CTSS: variants seen among roughly 807,000 people sequenced by gnomAD.
The protein encoded by CTSS is cathepsin S.
CTSS carries 15 observed loss-of-function variants against 39.9 expected under a neutral mutation model. The observed-to-expected ratio is 0.38, with a 90% CI of 0.25 to 0.58. CTSS has a LOEUF of 0.58. Ranked by LOEUF, CTSS falls within the 20% of genes least tolerant of loss-of-function variation. CTSS has a pLI of 0.70. For synonymous variants in CTSS, 126 were observed against 138.2 expected, an observed-to-expected ratio of 0.91 and a Z score of 0.62; for missense variants, 250 against 398.2, an observed-to-expected ratio of 0.63 and a Z score of 3.17.
At chr1:150,735,115 G>A (rs1248033346) in intron 7 of CTSS, among the ~76,000 whole-genome samples, 1 of 152,210 alleles carries the variant, frequency 6.6e-6, no homozygotes, top group Non-Finnish European at 1.5e-5. Context: ...AGAACAGCAG[G>A]TGGAGGAACA....
At chr1:150,735,918 G>C (rs1486235073) in intron 7 of CTSS, among the ~76,000 whole-genome samples, 1 of 151,922 alleles carries the variant, frequency 6.6e-6, no homozygotes, top group Non-Finnish European at 1.5e-5. Flanking sequence ...CACCACGCCT[G>C]GCTAATTTTT....
rs749728922 is a variant in CTSS at position 150,764,778 on chromosome 1, G to A, written c.-1-14C>T. The stretch of plus-strand genomic sequence containing the variant: ...AGCCGTTTCATTCTGTGTAAGGAAA[G>A]GTAACATAGGAAGTGTTGCTATTAG... On this transcript the variant is annotated splice_polypyrimidine_tract_variant and intron_variant, in intron 1 of 7. Transcript: ENST00000368985. 1 of 1,612,976 alleles carries A rather than the reference G, an allele frequency of 6.2e-7. No homozygotes were observed. Among genetic ancestry groups the A allele is most frequent in the South Asian group, 1.1e-5 (1 of 91,040 alleles).
rs1418005282 is a variant in CTSS at position 150,756,332 on chromosome 1, C to CT, written c.250-1183dup. On this transcript the variant is annotated intron_variant, in intron 3 of 7. Transcript: ENST00000368985. Reference sequence around the variant, plus strand: ...CTGCCTGAGGCTGTTTTACAGTTAACTTTTTAAAAGTATAAGTAGGAGTAC... The same window carrying CT: ...CTGCCTGAGGCTGTTTTACAGTTAACTTTTTTAAAAGTATAAGTAGGAGTAC... 1.3e-4 allele frequency among the ~76,000 whole-genome samples: 20 copies of CT among 152,228 alleles called. No homozygotes were observed. In the East Asian group the frequency reaches 2.1e-3, roughly 16 times the overall value.
chr1:150,757,749 C>G, intron 3 of CTSS, 109 bp downstream of exon 3: 1 of 1,125,620 alleles, frequency 8.9e-7, no homozygotes. Flanking sequence ...CAACTTTGTA[C>G]TATACATTCC....
intron 4 of CTSS, among the ~76,000 whole-genome samples, chr1:150,753,891 A>AG (rs1249528598): frequency 6.6e-6 from 1 of 151,368 alleles, no homozygotes; most frequent in African/African-American, 2.4e-5. Flanking sequence ...CAGTGAGCCC[A>AG]GATCGCACCA....
intron 7 of CTSS, among the ~76,000 whole-genome samples, chr1:150,742,021 G>A (rs984618113): frequency 6.6e-6 from 1 of 151,684 alleles, no homozygotes; most frequent in African/African-American, 2.4e-5. Flanking sequence ...GGCAGATCAC[G>A]AGGTCAAGAG....
At chr1:150,740,414 C>T (rs961254598) in intron 7 of CTSS, among the ~76,000 whole-genome samples, 16 of 151,900 alleles carry the variant, frequency 1.1e-4, no homozygotes, top group Admixed American at 8.5e-4. Flanking sequence ...GACAGAGTCT[C>T]GCTCTGTCAC....
chr1:150,754,879 A>G, intron 4 of CTSS, 122 bp downstream of exon 4: 1 of 1,040,230 alleles, frequency 9.6e-7, no homozygotes, highest in Non-Finnish European at 1.4e-6. Flanking sequence ...GAAGACAAGA[A>G]TAACAAAAAT....
At chr1:150,760,029 GAA>G (rs369047855) in intron 2 of CTSS, among the ~76,000 whole-genome samples, 2 of 138,316 alleles carry the variant, frequency 1.4e-5, no homozygotes, top group Admixed American at 7.2e-5. Flanking sequence ...TGCAAGAAAG[GAA>G]AAAAAAAAAA....
intron 4 of CTSS, among the ~76,000 whole-genome samples, chr1:150,754,430 CTT>C (rs35667418): frequency 1.2e-4 from 16 of 135,124 alleles, no homozygotes; most frequent in South Asian, 2.4e-4. Flanking sequence ...TATACTTTAC[CTT>C]TTTTTTTTTT....
intron 7 of CTSS, among the ~76,000 whole-genome samples, chr1:150,747,044 C>T: frequency 6.6e-6 from 1 of 152,182 alleles, no homozygotes; most frequent in East Asian, 1.9e-4. Context: ...CAGCAATAGT[C>T]CACACTAGAG....
chr1:150,755,777 T>C (rs1003137537), intron 3 of CTSS, among the ~76,000 whole-genome samples: 7 of 151,814 alleles, frequency 4.6e-5, no homozygotes, highest in African/African-American at 1.7e-4. Context: ...TACTTCTATA[T>C]AGGTCATTTA....
intron 7 of CTSS, among the ~76,000 whole-genome samples, chr1:150,740,365 T>G (rs587747940): frequency 1.3e-5 from 2 of 152,272 alleles, no homozygotes; most frequent in Middle Eastern, 3.4e-3. Flanking sequence ...TTTTTCATTT[T>G]AAAATTAATA....
At position 150,732,797 on chromosome 1, in the gene CTSS, T is replaced by TG. The variant is rs1652551972; in HGVS notation, c.*248dup. 2 of 289,694 alleles carry TG rather than the reference T, an allele frequency of 6.9e-6. No individual in the cohort carries two copies. Among genetic ancestry groups the TG allele is most frequent in the South Asian group, 8.5e-5 (2 of 23,506 alleles). The allele number at this position is 289,694 out of a possible 1,614,324, so 17.9% of individuals were successfully genotyped here. On this transcript the variant is annotated 3_prime_UTR_variant, in exon 8 of 8. Coordinates refer to ENST00000368985, the MANE Select transcript of CTSS (RefSeq NM_004079.5). The stretch of plus-strand genomic sequence containing the variant: ...TAATTTTTTGTATTTTTAGTAGAGA[T>TG]GGGGTTTCACCATGTTAGCCAGGCT...
intron 7 of CTSS, among the ~76,000 whole-genome samples, chr1:150,742,865 A>G (rs887335817): frequency 2.6e-5 from 4 of 152,114 alleles, no homozygotes; most frequent in Non-Finnish European, 5.9e-5. Context: ...CTTTTCAGGG[A>G]TGAGGGAAGA....
In CTSS at chr1:150,735,349, T is replaced by C. The variant is rs587751801; in HGVS notation, c.897-2204A>G. ...CCTATTTTTTTCTCTCTGTACCATT[T>C]AACACACTTGTCTACTCCCACCTTA... On this transcript the variant is annotated intron_variant, in intron 7 of 7. Transcript: ENST00000368985. Among the ~76,000 whole-genome samples, 10 of 152,354 alleles carry C rather than the reference T, an allele frequency of 6.6e-5. No individual in the cohort carries two copies. In the South Asian group the frequency reaches 8.3e-4, roughly 13 times the overall value.
chr1:150,754,905 C>T (rs1028942167), intron 4 of CTSS, 96 bp downstream of exon 4: 6 of 1,277,654 alleles, frequency 4.7e-6, no homozygotes, highest in South Asian at 1.5e-5. Context: ...GAAAGTAACA[C>T]GTGGGACTGT....
chr1:150,747,617 G>A (rs1331968871), intron 7 of CTSS, among the ~76,000 whole-genome samples, 160 bp downstream of exon 7: 1 of 152,090 alleles, frequency 6.6e-6, no homozygotes, highest in Non-Finnish European at 1.5e-5. Context: ...GTGAAAAGAT[G>A]GGGGCACTGA....
At chr1:150,762,520 A>G (rs1037367937) in intron 2 of CTSS, among the ~76,000 whole-genome samples, 2 of 152,206 alleles carry the variant, frequency 1.3e-5, no homozygotes, top group Admixed American at 1.3e-4. Flanking sequence ...ATATTTGCAA[A>G]TCATACATTT....
Sources: gnomAD v4.1 joint callset for allele counts (sites outside exome capture counted in the v4.1 genomes callset) on GRCh38, gnomAD v4.1.1 for gene constraint, MANE v1.5 for transcripts, NCBI Gene and HGNC (gene_info 2026-07-23, HGNC 2026-07-21) for gene names.